Variants in PDE10A observed in about 807,000 individuals in gnomAD.
The protein encoded by PDE10A is phosphodiesterase 10A, also known as cAMP and cAMP-inhibited cGMP 3',5'-cyclic phosphodiesterase 10A.
PDE10A carries 39 observed loss-of-function variants against 97.7 expected under a neutral mutation model. The ratio of observed to expected loss-of-function variants is 0.40; its 90% CI spans 0.31 to 0.52. PDE10A has a LOEUF of 0.52. Among genes scored for constraint, PDE10A ranks in the 20% least tolerant of loss-of-function variants. The probability of loss-of-function intolerance (pLI) is 0.56; values close to 1 mark genes in which losing one functional copy is unlikely to be tolerated. For synonymous variants in PDE10A, 371 were observed against 376.8 expected (o/e 0.98, Z 0.18); for missense variants, 731 against 1,047.8 (o/e 0.70, Z 4.17).
intron 10 of PDE10A, among the ~76,000 whole-genome samples, chr6:165,419,926 C>T (rs1231433065): frequency 2.0e-5 from 3 of 152,184 alleles, no homozygotes; most frequent in African/African-American, 7.2e-5. Context: ...CATCCTATTA[C>T]ACGTTTGTGC....
chr6:165,485,030 T>C (rs1269128484), intron 2 of PDE10A, among the ~76,000 whole-genome samples: 2 of 152,120 alleles, frequency 1.3e-5, no homozygotes, highest in Non-Finnish European at 2.9e-5. Flanking sequence ...TAATAGAAAA[T>C]AACAAGTCCT....
chr6:165,758,933 C>T (rs577175694), intron 1 of PDE10A, among the ~76,000 whole-genome samples: 8 of 152,188 alleles, frequency 5.3e-5, no homozygotes, highest in African/African-American at 1.9e-4. Context: ...ATTTGCTTAC[C>T]GAAAAATGAA....
chr6:165,590,593 A>G (rs1202937461), intron 1 of PDE10A, among the ~76,000 whole-genome samples: 1 of 152,176 alleles, frequency 6.6e-6, no homozygotes, highest in Non-Finnish European at 1.5e-5. Context: ...GGTAGACACT[A>G]AAAAACAACT....
At chr6:165,620,071 C>A (rs1788051238) in intron 1 of PDE10A, among the ~76,000 whole-genome samples, 1 of 152,108 alleles carries the variant, frequency 6.6e-6, no homozygotes, top group South Asian at 2.1e-4. Flanking sequence ...ACATTTCTGT[C>A]TTTCCCTACT....
At chr6:165,597,559 G>A (rs78099503) in intron 1 of PDE10A, among the ~76,000 whole-genome samples, 223 of 152,162 alleles carry the variant, frequency 1.5e-3, no homozygotes, top group African/African-American at 5.1e-3. Context: ...ATATTAATGC[G>A]ACCAATAAAT....
intron 1 of PDE10A, among the ~76,000 whole-genome samples, chr6:165,549,258 T>C (rs776530572): frequency 6.6e-6 from 1 of 152,192 alleles, no homozygotes; most frequent in Admixed American, 6.5e-5. Flanking sequence ...AACAAACATA[T>C]AAGGTGGGTT....
In PDE10A at chr6:165,756,278, A is replaced by G. The variant is rs529155259; in HGVS notation, c.-614-212710T>C. ...AAGACTTTTCTCCTATTAATTTCCT[A>G]TTTTAAAAAATACTTAGTTTTTGAG... On this transcript the variant is annotated intron_variant, in intron 1 of 19. Coordinates refer to the PDE10A transcript ENST00000366882. Among the ~76,000 whole-genome samples the G allele has an allele frequency of 4.6e-5, 7 of 152,320 alleles. No homozygotes were observed. In the East Asian group the frequency reaches 1.3e-3, roughly 29 times the overall value.
chr6:165,368,499 A>C (rs371351126), intron 18 of PDE10A, among the ~76,000 whole-genome samples: 2 of 152,200 alleles, frequency 1.3e-5, no homozygotes, highest in African/African-American at 4.8e-5. Context: ...GGACTAATAA[A>C]AATGCATACT....
chr6:165,789,341 G>A (rs1242098441), intron 1 of PDE10A, among the ~76,000 whole-genome samples: 1 of 152,148 alleles, frequency 6.6e-6, no homozygotes, highest in Non-Finnish European at 1.5e-5. Context: ...TGCCAGAGAT[G>A]GCCAAACTTA....
Position 165,727,937 on chromosome 6 carries a change from ATAGT to A in PDE10A, c.-614-184373_-614-184370del, listed in dbSNP as rs899136242. Among the ~76,000 whole-genome samples, 8 of 152,334 alleles carry A rather than the reference ATAGT, an allele frequency of 5.3e-5. No homozygotes were observed. In the East Asian group the frequency reaches 9.6e-4, roughly 18 times the overall value. On this transcript the variant is annotated intron_variant, in intron 1 of 19. Coordinates refer to the PDE10A transcript ENST00000366882. The stretch of plus-strand genomic sequence containing the variant: ...AAAGGAAAAAAAGAAAGGAGTTTAA[ATAGT>A]TGGTTGTGTTGTGTTTTGTTTTTTT...
intron 1 of PDE10A, among the ~76,000 whole-genome samples, chr6:165,723,831 G>A (rs6922436): frequency 0.69 from 105,347 of 151,940 alleles, 38,013 homozygotes; most frequent in African/African-American, 0.9. Flanking sequence ...GGGAACAAAC[G>A]AGAAATAAGA....
intron 1 of PDE10A, among the ~76,000 whole-genome samples, chr6:165,752,129 C>A (rs1165571791): frequency 1.7e-4 from 11 of 66,336 alleles, no homozygotes; most frequent in South Asian, 5.4e-4. Context: ...GGCAACAGAG[C>A]AAAAAAAAAA....
At chr6:165,811,100 G>A (rs916339177) in intron 1 of PDE10A, among the ~76,000 whole-genome samples, 1 of 152,096 alleles carries the variant, frequency 6.6e-6, no homozygotes, top group African/African-American at 2.4e-5. Context: ...CCACGTGCCT[G>A]TAGTCCCTGC....
chr6:165,809,597 A>G (rs1347219522), intron 1 of PDE10A, among the ~76,000 whole-genome samples: 2 of 152,148 alleles, frequency 1.3e-5, no homozygotes, highest in Non-Finnish European at 2.9e-5. Context: ...GGGTGCCATG[A>G]GTTTTCTGAG....
At chr6:165,488,385 G>A (rs1048162777) in intron 2 of PDE10A, among the ~76,000 whole-genome samples, 1 of 152,144 alleles carries the variant, frequency 6.6e-6, no homozygotes. Context: ...TAAGCACAGC[G>A]TTCACAGCAA....
chr6:165,760,684 A>G (rs976773461), intron 1 of PDE10A, among the ~76,000 whole-genome samples: 4 of 152,170 alleles, frequency 2.6e-5, no homozygotes, highest in Non-Finnish European at 4.4e-5. Flanking sequence ...GAACTCCTAC[A>G]TTGTACCTGG....
intron 1 of PDE10A, among the ~76,000 whole-genome samples, chr6:165,840,646 C>CGTTCTA (rs1480307111): frequency 6.6e-6 from 1 of 152,132 alleles, no homozygotes; most frequent in African/African-American, 2.4e-5. Flanking sequence ...GCACACTTGC[C>CGTTCTA]GTTCTAGCAT....
intron 1 of PDE10A, among the ~76,000 whole-genome samples, chr6:165,937,400 G>C (rs1783368939): frequency 6.6e-6 from 1 of 152,102 alleles, no homozygotes; most frequent in Non-Finnish European, 1.5e-5. Context: ...GTCAGTGAAT[G>C]GTGAGATTTT....
At chr6:165,984,881 C>G (rs1048330207) in intron 1 of PDE10A, among the ~76,000 whole-genome samples, 1 of 152,234 alleles carries the variant, frequency 6.6e-6, no homozygotes, top group Non-Finnish European at 1.5e-5. Context: ...GGCCGGAACC[C>G]GTCCTTTGTT....
Sources: allele counts gnomAD v4.1 joint callset (sites outside exome capture counted in the v4.1 genomes callset), GRCh38; gene constraint gnomAD v4.1.1; transcripts MANE v1.5; gene names NCBI Gene and HGNC (gene_info 2026-07-23, HGNC 2026-07-21).